Variants in KALRN observed in about 807,000 individuals in gnomAD.
The protein encoded by KALRN is kalirin.
KALRN carries 70 observed loss-of-function variants against 353.7 expected under a neutral mutation model. That is an observed-to-expected ratio of 0.20 (90% CI 0.16 to 0.24). KALRN has a LOEUF of 0.24. Ranked by LOEUF, KALRN falls within the 10% of genes least tolerant of loss-of-function variation. The probability of loss-of-function intolerance (pLI) is 1.00; values close to 1 mark genes in which losing one functional copy is unlikely to be tolerated. For missense variants in KALRN, 2,791 were observed against 3,756.7 expected, an observed-to-expected ratio of 0.74 and a Z score of 6.72; for synonymous variants, 1,391 against 1,434.8, an observed-to-expected ratio of 0.97 and a Z score of 0.69.
chr3:124,052,768 A>C (rs575956153), intron 1 of KALRN, among the ~76,000 whole-genome samples: 1 of 152,136 alleles, frequency 6.6e-6, no homozygotes, highest in Admixed American at 6.6e-5. Flanking sequence ...ATAGTAGTGG[A>C]TAGCAGGGCC....
chr3:124,157,992 CAG>C (rs1335968941), intron 1 of KALRN, among the ~76,000 whole-genome samples: 25 of 152,316 alleles, frequency 1.6e-4, no homozygotes, highest in African/African-American at 4.6e-4. Context: ...AAGGAAACAT[CAG>C]AGTCAGCTCT....
intron 45 of KALRN, among the ~76,000 whole-genome samples, chr3:124,663,169 A>G (rs998136059): frequency 2.0e-5 from 3 of 150,906 alleles, no homozygotes; most frequent in African/African-American, 7.3e-5. Flanking sequence ...CTAGTCTCGA[A>G]CTCCCGACCT....
In KALRN at chr3:124,713,070, C is replaced by A; in HGVS notation, c.8211C>A (p.His2737Gln). The change falls in exon 58 of 60, where the codon CAC (histidine) becomes CAA (glutamine). Residue 2737 changes from histidine (H) to glutamine (Q), a missense_variant. This residue lies in a region of KALRN where 188 missense variants were observed against 402.9 expected (regional missense o/e 0.47). Coordinates refer to ENST00000682506, the MANE Select transcript of KALRN (RefSeq NM_001388419.1). ...HEAALLQHLQ[H>Q]PQYITLHDTY... ...CTGCCCTGCTTCAGCACCTACAGCA[C>A]CCCCAGTACATCACTCTCCATGACA... The A allele has an allele frequency of 6.2e-7, 1 of 1,614,078 alleles. No homozygotes were observed. The highest frequency in any genetic ancestry group is 1.6e-4 in the Middle Eastern group (1 of 6,062).
At chr3:124,404,153 GAA>G (rs66603520) in intron 13 of KALRN, among the ~76,000 whole-genome samples, 17,213 of 123,562 alleles carry the variant, frequency 0.14, 1,336 homozygotes, top group Non-Finnish European at 0.18. Flanking sequence ...CTGCTCTCTG[GAA>G]AAAAAAAAAA....
chr3:124,524,219 C>T (rs1281911705), intron 33 of KALRN, among the ~76,000 whole-genome samples: 2 of 152,116 alleles, frequency 1.3e-5, no homozygotes, highest in Non-Finnish European at 2.9e-5. Flanking sequence ...TCAAAGAAAG[C>T]TAGTTGATGA....
Position 124,620,373 on chromosome 3 carries a change from G to A in KALRN, c.5183-12047G>A, listed in dbSNP as rs375383353. The stretch of plus-strand genomic sequence containing the variant: ...CCCACCTTAGCCTTCTAAAGTGCTG[G>A]GATTATAGGCATGAGCCACCACTCC... On this transcript the variant is annotated intron_variant, in intron 34 of 59. Coordinates refer to ENST00000682506, the MANE Select transcript of KALRN (RefSeq NM_001388419.1). Among the ~76,000 whole-genome samples, 60 of 152,232 alleles carry A rather than the reference G, an allele frequency of 3.9e-4. 1 individual carries two copies. In the South Asian group the frequency reaches 0.012, roughly 32 times the overall value.
At chr3:124,628,547 T>A (rs2080357409) in intron 34 of KALRN, among the ~76,000 whole-genome samples, 2 of 102,574 alleles carry the variant, frequency 1.9e-5, no homozygotes. Context: ...CTTTCTTTCC[T>A]TTTCTTTCTT....
chr3:124,387,621 A>T (rs2088596214), intron 11 of KALRN, among the ~76,000 whole-genome samples: 1 of 150,622 alleles, frequency 6.6e-6, no homozygotes, highest in Admixed American at 6.6e-5. Flanking sequence ...ACTTGAATGA[A>T]TTTTTTTTTT....
At chr3:124,439,343 G>A (rs1409833327) in intron 18 of KALRN, among the ~76,000 whole-genome samples, 4 of 152,174 alleles carry the variant, frequency 2.6e-5, no homozygotes, top group East Asian at 1.9e-4. Context: ...AAGGGTGAAA[G>A]GTTACATTTC....
chr3:124,111,812 G>T (rs375202196), intron 1 of KALRN, among the ~76,000 whole-genome samples: 1 of 152,234 alleles, frequency 6.6e-6, no homozygotes, highest in African/African-American at 2.4e-5. Context: ...ATATTAAAAA[G>T]ATATATAGCA....
intron 1 of KALRN, among the ~76,000 whole-genome samples, chr3:124,056,467 G>A (rs1048080872): frequency 1.3e-5 from 2 of 152,184 alleles, no homozygotes; most frequent in Admixed American, 1.3e-4. Context: ...GCAGGCCACT[G>A]TACCTCTCTG....
chr3:124,090,629 T>G (rs901761833), intron 1 of KALRN, among the ~76,000 whole-genome samples: 1 of 152,020 alleles, frequency 6.6e-6, no homozygotes, highest in Non-Finnish European at 1.5e-5. Context: ...ACTCAGAATC[T>G]CCCTCCCTAT....
intron 22 of KALRN, among the ~76,000 whole-genome samples, chr3:124,456,274 A>T (rs751226715): frequency 3.3e-5 from 5 of 152,224 alleles, no homozygotes; most frequent in Non-Finnish European, 5.9e-5. Flanking sequence ...ATGGTTAAGA[A>T]TCAGTCTTAG....
intron 33 of KALRN, among the ~76,000 whole-genome samples, chr3:124,512,619 C>T (rs923976785): frequency 1.3e-5 from 2 of 151,820 alleles, no homozygotes; most frequent in Admixed American, 6.6e-5. Flanking sequence ...CCACTGCACT[C>T]CAGCCTGGGA....
At chr3:124,523,631 G>A (rs1006624395) in intron 33 of KALRN, among the ~76,000 whole-genome samples, 2 of 152,224 alleles carry the variant, frequency 1.3e-5, no homozygotes, top group Non-Finnish European at 2.9e-5. Flanking sequence ...CCAGCAAAAT[G>A]AGAGTAGATT....
At chr3:124,231,787 A>G (rs2079190299) in intron 2 of KALRN, among the ~76,000 whole-genome samples, 2 of 152,090 alleles carry the variant, frequency 1.3e-5, no homozygotes, top group African/African-American at 4.8e-5. Flanking sequence ...TCTGTGATGC[A>G]TATCCATTAA....
At position 124,265,298 on chromosome 3, in the gene KALRN, C is replaced by CTTTTTTTTTTTTTTTTTTTTTTTTTTT. The variant is rs3054177; in HGVS notation, c.456+622_456+623insTTTTTTTTTTTTTTTTTTTTTTTTTTT. On this transcript the variant is annotated intron_variant, in intron 4 of 59. Coordinates refer to ENST00000682506, the MANE Select transcript of KALRN (RefSeq NM_001388419.1). ...CTAGTAACTAATTTAAGAAAATATT[C>CTTTTTTTTTTTTTTTTTTTTTTTTTTT]TTTTTTTTTTTTTTGAGATAGAGTC... Among the ~76,000 whole-genome samples, 38 of 73,112 alleles carry CTTTTTTTTTTTTTTTTTTTTTTTTTTT rather than the reference C, an allele frequency of 5.2e-4. 10 individuals carry two copies. Among genetic ancestry groups the CTTTTTTTTTTTTTTTTTTTTTTTTTTT allele is most frequent in the African/African-American group, 6.4e-4 (12 of 18,680 alleles). The allele number at this position is 73,112 out of a possible 152,430, so 48.0% of individuals were successfully genotyped here. A position where few individuals can be genotyped will look rare whatever the true frequency, so the allele number is the denominator to read the frequency against.
rs1036251259 is a variant in KALRN, at chr3:124,326,108, T to G, written c.1221T>G (p.Ala407=). ...QLDQEWKSFA[A]ALDERSTILA... ...ACCAGGAGTGGAAGAGCTTCGCTGC[T>G]GCCCTGGATGAACGCAGCACCATCC... Residue 407 remains alanine (A), a synonymous_variant, in exon 7 of 60, where the codon GCT becomes GCG. Coordinates refer to ENST00000682506, the MANE Select transcript of KALRN (RefSeq NM_001388419.1). 6.2e-7 allele frequency: 1 copy of G among 1,613,774 alleles called. No individual in the cohort carries two copies. The highest frequency in any genetic ancestry group is 1.3e-5 in the African/African-American group (1 of 74,934).
chr3:124,154,021 C>G (rs1417432777), intron 1 of KALRN, among the ~76,000 whole-genome samples: 1 of 152,070 alleles, frequency 6.6e-6, no homozygotes, highest in Non-Finnish European at 1.5e-5. Context: ...GATATTTGCC[C>G]TTTGTCAGAT....
Sources: allele counts gnomAD v4.1 joint callset (sites outside exome capture counted in the v4.1 genomes callset), GRCh38; gene constraint gnomAD v4.1.1; regional missense constraint gnomAD v4.1.1; transcripts MANE v1.5; gene names NCBI Gene and HGNC (gene_info 2026-07-23, HGNC 2026-07-21).